Variants in MYT1L observed in about 807,000 individuals in gnomAD.
MYT1L encodes myelin transcription factor 1 like.
A neutral mutation model predicts 126.7 loss-of-function variants in MYT1L; 12 were observed. The ratio of observed to expected loss-of-function variants is 0.09; its 90% CI spans 0.06 to 0.15. MYT1L has a LOEUF of 0.15. Ranked by LOEUF, MYT1L falls within the 10% of genes least tolerant of loss-of-function variation. The probability of loss-of-function intolerance (pLI) is 1.00; values close to 1 mark genes in which losing one functional copy is unlikely to be tolerated. For missense variants in MYT1L, 979 were observed against 1,585.2 expected (o/e 0.62, Z 6.49); for synonymous variants, 541 against 604.2 (o/e 0.90, Z 1.53).
chr2:1,887,413 G>A lies in MYT1L; in HGVS notation c.2642+75C>T, dbSNP rs567684744. The A allele has an allele frequency of 8.8e-6, 14 of 1,592,902 alleles. No homozygotes were observed. In the South Asian group the frequency reaches 1.1e-4, roughly 13 times the overall value. On this transcript the variant is annotated intron_variant, in intron 17 of 24. Coordinates refer to ENST00000647738, the MANE Select transcript of MYT1L (RefSeq NM_001303052.2). The surrounding 1 kb of genome is among the most constrained non-coding windows in gnomAD (Gnocchi z 4.8). The stretch of plus-strand genomic sequence containing the variant: ...ATGCTCAAACGGCAAGGCATATACA[G>A]ATCCAGTTTTAAAAAATCAGCCAAA...
At chr2:2,012,830 T>C (rs114191350) in intron 4 of MYT1L, among the ~76,000 whole-genome samples, 2,309 of 152,258 alleles carry the variant, frequency 0.015, 51 homozygotes, top group African/African-American at 0.049. Context: ...CGCAGTGTTG[T>C]ATGCAGGGTG....
intron 1 of MYT1L, among the ~76,000 whole-genome samples, chr2:2,312,745 T>C (rs1297630154): frequency 4.6e-5 from 7 of 152,154 alleles, no homozygotes; most frequent in African/African-American, 1.7e-4. Context: ...AAGTCGGCAT[T>C]AGGCTAACCA....
intron 3 of MYT1L, among the ~76,000 whole-genome samples, chr2:2,100,734 C>T (rs1348658483): frequency 1.3e-5 from 2 of 152,126 alleles, no homozygotes; most frequent in Non-Finnish European, 2.9e-5. Flanking sequence ...AATGGTGAGA[C>T]ATCATCCTGC....
Position 1,979,822 on chromosome 2 carries a change from C to G in MYT1L, c.1-45G>C, listed in dbSNP as rs1432518901. On this transcript the variant is annotated intron_variant, in intron 5 of 24. Transcript: ENST00000647738. The surrounding 1 kb of genome is among the most constrained non-coding windows in gnomAD (Gnocchi z 4.0). Reference sequence around the variant, plus strand: ...CATCAATGTGCTTATCCTGCCTGTGCAGGCCAGCCCTGCAGGGGCGGCTCA... The same window carrying G: ...CATCAATGTGCTTATCCTGCCTGTGGAGGCCAGCCCTGCAGGGGCGGCTCA... 3.7e-6 allele frequency: 6 copies of G among 1,604,466 alleles called. No individual in the cohort carries two copies. Among genetic ancestry groups the G allele is most frequent in the Non-Finnish European group, 4.3e-6 (5 of 1,172,304 alleles).
chr2:2,301,976 A>C (rs1286259223), intron 1 of MYT1L, among the ~76,000 whole-genome samples: 1 of 152,178 alleles, frequency 6.6e-6, no homozygotes, highest in African/African-American at 2.4e-5. Context: ...GAGTTTGTTG[A>C]TACAACTATA....
At chr2:2,216,828 G>A (rs992314748) in intron 2 of MYT1L, among the ~76,000 whole-genome samples, 2 of 151,950 alleles carry the variant, frequency 1.3e-5, no homozygotes, top group Admixed American at 6.6e-5. Flanking sequence ...CCAATGTCAG[G>A]AGTAAGAGAG....
At chr2:2,220,022 G>A (rs1264775916) in intron 2 of MYT1L, among the ~76,000 whole-genome samples, 1 of 152,170 alleles carries the variant, frequency 6.6e-6, no homozygotes, top group Non-Finnish European at 1.5e-5. Flanking sequence ...CAGGACAGGG[G>A]AAAAGCGCAT....
At chr2:2,112,859 C>T (rs929942689) in intron 3 of MYT1L, among the ~76,000 whole-genome samples, 3 of 152,124 alleles carry the variant, frequency 2.0e-5, no homozygotes, top group Admixed American at 6.5e-5. Flanking sequence ...TGCAGCCTCC[C>T]GCGAGTCGCA....
At chr2:2,144,597 G>A (rs1195607331) in intron 3 of MYT1L, among the ~76,000 whole-genome samples, 1 of 152,050 alleles carries the variant, frequency 6.6e-6, no homozygotes, top group Non-Finnish European at 1.5e-5. Context: ...GACACTTTAG[G>A]TGCTGGATCC....
intron 14 of MYT1L, among the ~76,000 whole-genome samples, chr2:1,893,609 C>T (rs145304433): frequency 1.1e-4 from 16 of 152,298 alleles, no homozygotes; most frequent in Non-Finnish European, 2.1e-4. Flanking sequence ...AAAGGGAGAC[C>T]TCGCAGTTGG....
At chr2:1,846,138 G>A (rs1347645666) in intron 19 of MYT1L, among the ~76,000 whole-genome samples, 1 of 152,124 alleles carries the variant, frequency 6.6e-6, no homozygotes, top group African/African-American at 2.4e-5. Context: ...CCTGAGGTGC[G>A]CCCTCCTGGA....
In MYT1L at chr2:2,007,129, T is replaced by C. The variant is rs753085040; in HGVS notation, c.-157-9782A>G. The stretch of plus-strand genomic sequence containing the variant: ...TCTGTATCTTGGCTATTGTCAATCA[T>C]GCTGCAATGAACATGGGAGTTGCAG... On this transcript the variant is annotated intron_variant, in intron 4 of 24. Coordinates refer to ENST00000647738, the MANE Select transcript of MYT1L (RefSeq NM_001303052.2). 6.8e-4 allele frequency among the ~76,000 whole-genome samples: 104 copies of C among 152,216 alleles called. 1 individual carries two copies. Among genetic ancestry groups the C allele is most frequent in the Admixed American group, 1.2e-3 (18 of 15,286 alleles).
chr2:2,064,162 G>A (rs1332328607), intron 3 of MYT1L, among the ~76,000 whole-genome samples: 1 of 152,202 alleles, frequency 6.6e-6, no homozygotes, highest in African/African-American at 2.4e-5. Context: ...AAAATGGCAA[G>A]TGTGAAACCA....
chr2:2,200,134 A>T (rs186854423), intron 2 of MYT1L, among the ~76,000 whole-genome samples: 2 of 152,232 alleles, frequency 1.3e-5, no homozygotes, highest in Admixed American at 1.3e-4. Flanking sequence ...GTGACAAGTG[A>T]ATTTTTGGTG....
chr2:1,876,839 C>T (rs749548458), intron 18 of MYT1L, among the ~76,000 whole-genome samples: 1 of 152,244 alleles, frequency 6.6e-6, no homozygotes, highest in Non-Finnish European at 1.5e-5. Context: ...TTTCTCCCTG[C>T]CCCTCCTCTG....
chr2:1,931,261 G>C (rs1469278284), intron 9 of MYT1L, among the ~76,000 whole-genome samples: 1 of 152,258 alleles, frequency 6.6e-6, no homozygotes, highest in African/African-American at 2.4e-5. Context: ...ACCAGTGCCA[G>C]AGAGGATGCC....
At chr2:1,817,497 A>G (rs575435027) in intron 21 of MYT1L, among the ~76,000 whole-genome samples, 1 of 152,236 alleles carries the variant, frequency 6.6e-6, no homozygotes, top group Non-Finnish European at 1.5e-5. Context: ...CTTCAGCAAG[A>G]GTTTGGGAAA....
chr2:1,832,625 T>G (rs1449535656), intron 21 of MYT1L, among the ~76,000 whole-genome samples: 16 of 152,188 alleles, frequency 1.1e-4, no homozygotes, highest in Admixed American at 1.0e-3. Flanking sequence ...CGGCTCAACG[T>G]GTCTGCCTGC....
At chr2:2,064,783 T>G (rs929596561) in intron 3 of MYT1L, among the ~76,000 whole-genome samples, 4 of 152,234 alleles carry the variant, frequency 2.6e-5, no homozygotes, top group Non-Finnish European at 4.4e-5. Context: ...GAAAAGCTTG[T>G]TGGAAAGTAA....
Sources: gnomAD v4.1 joint callset for allele counts (sites outside exome capture counted in the v4.1 genomes callset) on GRCh38, gnomAD v4.1.1 for gene constraint, Gnocchi (gnomAD v3.1) non-coding constraint, MANE v1.5 for transcripts, NCBI Gene and HGNC (gene_info 2026-07-23, HGNC 2026-07-21) for gene names.